XRRA1: variants seen among roughly 807,000 people sequenced by gnomAD.
XRRA1 encodes the protein X-ray radiation resistance associated 1.
A neutral mutation model predicts 80.2 loss-of-function variants in XRRA1; 69 were observed. The observed-to-expected ratio is 0.86, with a 90% CI of 0.71 to 1.05. XRRA1 has a LOEUF of 1.05. XRRA1 is among the 50% of genes least tolerant of loss of function. The probability of loss-of-function intolerance (pLI) is 0.00; values close to 1 mark genes in which losing one functional copy is unlikely to be tolerated. For synonymous variants in XRRA1, 348 were observed against 389.9 expected (o/e 0.89, Z 1.27); for missense variants, 967 against 976.4 (o/e 0.99, Z 0.13).
At chr11:74,940,990 A>T in intron 2 of XRRA1, 108 bp from the exon 3 acceptor site, 1 of 758,752 alleles carries the variant, frequency 1.3e-6, no homozygotes, top group Non-Finnish European at 2.2e-6. Flanking sequence ...ACACCCGCAC[A>T]CACCCTGCCT....
rs1339673150 is a variant in XRRA1, at chr11:74,927,371, A to G, written c.522+20T>C. 1 of 1,513,736 alleles carries G rather than the reference A, an allele frequency of 6.6e-7. No homozygotes were observed. The highest frequency in any genetic ancestry group is 9.2e-7 in the Non-Finnish European group (1 of 1,090,122). 93.8% of individuals were successfully genotyped at this position (1,513,736 alleles called of 1,614,324 possible). A position where few individuals can be genotyped will look rare whatever the true frequency, so the allele number is the denominator to read the frequency against. On this transcript the variant is annotated intron_variant, in intron 7 of 18. Transcript: ENST00000684022. ...CAGGGGAACTTGGTGGGCACCAAAA[A>G]CTCCCTACCTCCAACTTACTTCTAA...
chr11:74,886,464 A>G (rs900396452), intron 10 of XRRA1, among the ~76,000 whole-genome samples: 6 of 152,170 alleles, frequency 3.9e-5, no homozygotes, highest in African/African-American at 1.4e-4. Context: ...TGTCCACAAT[A>G]GCCACAAAAA....
At chr11:74,942,398 G>A (rs1946503954) in intron 2 of XRRA1, among the ~76,000 whole-genome samples, 3 of 152,192 alleles carry the variant, frequency 2.0e-5, no homozygotes, top group Admixed American at 6.5e-5. Context: ...TTTTCAAGAC[G>A]CTTGATTGTG....
intron 8 of XRRA1, among the ~76,000 whole-genome samples, chr11:74,920,804 T>C (rs75429923): frequency 0.011 from 1,651 of 152,360 alleles, 33 homozygotes; most frequent in African/African-American, 0.035. Context: ...GTCTGGCACA[T>C]TGTAAGTACT....
intron 12 of XRRA1, among the ~76,000 whole-genome samples, chr11:74,854,855 TA>T (rs554313601): frequency 6.1e-5 from 9 of 148,052 alleles, no homozygotes; most frequent in Non-Finnish European, 3.0e-5. Context: ...CCGTCTCTAC[TA>T]AAAAAAAAAT....
At chr11:74,893,358 A>C (rs1591134972) in intron 10 of XRRA1, among the ~76,000 whole-genome samples, 1 of 148,666 alleles carries the variant, frequency 6.7e-6, no homozygotes, top group Non-Finnish European at 1.5e-5. Context: ...TTGAACAATG[A>C]GAACACATGG....
chr11:74,942,527 T>G (rs1367990228), intron 2 of XRRA1, among the ~76,000 whole-genome samples: 2 of 152,164 alleles, frequency 1.3e-5, no homozygotes, highest in Non-Finnish European at 2.9e-5. Context: ...GGGGGACATG[T>G]GCTCTCTCTC....
intron 10 of XRRA1, among the ~76,000 whole-genome samples, chr11:74,866,245 TTTTTG>T (rs1352416044): frequency 4.6e-5 from 7 of 152,122 alleles, no homozygotes; most frequent in East Asian, 1.9e-4. Context: ...TTTTTTATTT[TTTTTG>T]TTTTGTTTTG....
intron 12 of XRRA1, among the ~76,000 whole-genome samples, chr11:74,852,743 A>G (rs530662987): frequency 6.6e-6 from 1 of 152,300 alleles, no homozygotes; most frequent in East Asian, 1.9e-4. Context: ...AAAAATATAC[A>G]AGCTTTGTTG....
At chr11:74,879,198 T>A (rs1201160329) in intron 10 of XRRA1, among the ~76,000 whole-genome samples, 2 of 150,820 alleles carry the variant, frequency 1.3e-5, no homozygotes, top group African/African-American at 2.4e-5. Context: ...TAAGTTGGAT[T>A]CCTAGGTATT....
At chr11:74,920,015 A>G (rs2138883427) in intron 8 of XRRA1, 1 of 197,098 alleles carries the variant, frequency 5.1e-6, no homozygotes, top group African/African-American at 2.4e-5. Context: ...GCAAAAAAAA[A>G]AAAAAAAATG....
At chr11:74,876,439 A>C (rs888302185) in intron 10 of XRRA1, 1 of 152,128 alleles carries the variant, frequency 6.6e-6, no homozygotes, top group African/African-American at 2.4e-5. Flanking sequence ...GACACCTCTA[A>C]ATTGGTTAAG....
chr11:74,921,122 C>T, intron 8 of XRRA1, 92 bp downstream of exon 8: 2 of 1,519,922 alleles, frequency 1.3e-6, no homozygotes, highest in Admixed American at 1.8e-5. Flanking sequence ...GCACTTACAG[C>T]CTATCTTTAT....
chr11:74,945,446 G>C (rs1947312214), intron 1 of XRRA1, among the ~76,000 whole-genome samples: 1 of 152,188 alleles, frequency 6.6e-6, no homozygotes. Context: ...ATAAGACACA[G>C]TCTGGGAAAA....
chr11:74,941,849 G>T (rs1946390912), intron 2 of XRRA1, among the ~76,000 whole-genome samples: 1 of 152,068 alleles, frequency 6.6e-6, no homozygotes. Flanking sequence ...GAATGAGAAA[G>T]GGAGGGACAG....
chr11:74,855,240 G>T (rs2040805400), intron 12 of XRRA1, among the ~76,000 whole-genome samples: 2 of 152,158 alleles, frequency 1.3e-5, no homozygotes, highest in African/African-American at 4.8e-5. Flanking sequence ...GACTATAATG[G>T]TGGTCAAAGT....
At chr11:74,926,327 C>T (rs1016892519) in intron 7 of XRRA1, among the ~76,000 whole-genome samples, 1 of 152,176 alleles carries the variant, frequency 6.6e-6, no homozygotes, top group South Asian at 2.1e-4. Context: ...GTAGAAGGTC[C>T]CCCTCACTGA....
chr11:74,918,299 A>AGTGT (rs35763136), intron 8 of XRRA1, among the ~76,000 whole-genome samples: 45,843 of 150,052 alleles, frequency 0.31, 7,790 homozygotes, highest in Middle Eastern at 0.41. Context: ...TTCCTTCCTT[A>AGTGT]GTGTGTGTGT....
At chr11:74,939,171 G>A (rs1945762367) in intron 3 of XRRA1, among the ~76,000 whole-genome samples, 1 of 152,068 alleles carries the variant, frequency 6.6e-6, no homozygotes, top group South Asian at 2.1e-4. Context: ...GGCCATCATG[G>A]TGAAACCCCA....
Sources: gnomAD v4.1 joint callset for allele counts (sites outside exome capture counted in the v4.1 genomes callset) on GRCh38, gnomAD v4.1.1 for gene constraint, MANE v1.5 for transcripts, NCBI Gene and HGNC (gene_info 2026-07-23, HGNC 2026-07-21) for gene names.